The following FGF1 variants were observed in gnomAD, a reference collection of about 807,000 sequenced individuals.
FGF1 encodes beta-endothelial cell growth factor.
A neutral mutation model predicts 13.4 loss-of-function variants in FGF1; 9 were observed. That is an observed-to-expected ratio of 0.67 (90% CI 0.40 to 1.17). The LOEUF is 1.17. Among genes scored for constraint, FGF1 ranks in the 50% most tolerant of loss-of-function variants. FGF1 has a pLI of 0.01. For synonymous variants in FGF1, 93 were observed against 79.0 expected (o/e 1.18, Z -0.94); for missense variants, 156 against 192.7 (o/e 0.81, Z 1.13).
Position 142,595,379 on chromosome 5 carries a change from T to C in FGF1, c.379A>G (p.Lys127Glu). The change falls in exon 4 of 4, where the codon AAG becomes GAG. Residue 127 changes from lysine (K) to glutamate (E), a missense_variant. Coordinates refer to ENST00000337706, the MANE Select transcript of FGF1 (RefSeq NM_000800.5). ...CCGCGTTTGCAGCTCCCATTCTTCT[T>C]GAGGCCAACAAACCAATTCTTCTCT... ...HAEKNWFVGL[K>E]KNGSCKRGPR... is the part of the protein sequence containing the mutation. 4 of 1,614,114 alleles carry C rather than the reference T, an allele frequency of 2.5e-6. No homozygotes were observed. The highest frequency in any genetic ancestry group is 3.4e-6 in the Non-Finnish European group (4 of 1,179,962).
At chr5:142,685,223 A>T (rs977892372) in intron 1 of FGF1, among the ~76,000 whole-genome samples, 13 of 152,234 alleles carry the variant, frequency 8.5e-5, no homozygotes, top group East Asian at 7.7e-4. Context: ...CCTAGTGCCC[A>T]TCGGAGGGGT....
intron 1 of FGF1, among the ~76,000 whole-genome samples, chr5:142,627,988 C>T (rs1428102354): frequency 6.6e-6 from 1 of 152,148 alleles, no homozygotes; most frequent in Non-Finnish European, 1.5e-5. Context: ...TAGTATTCTA[C>T]ACCTGGCTCC....
intron 1 of FGF1, among the ~76,000 whole-genome samples, chr5:142,620,160 G>A (rs1163255731): frequency 2.6e-5 from 4 of 152,190 alleles, no homozygotes; most frequent in Non-Finnish European, 5.9e-5. Flanking sequence ...GCTCACGCCT[G>A]TAATCCCACC....
chr5:142,614,094 G>A lies in FGF1; in HGVS notation c.34C>T (p.Leu12=). 1 of 1,614,214 alleles carries A rather than the reference G, an allele frequency of 6.2e-7. No homozygotes were observed. Among genetic ancestry groups the A allele is most frequent in the South Asian group, 1.1e-5 (1 of 91,078 alleles). ...AEGEITTFTA[L]TEKFNLPPGN... ...GGAGGCAGATTAAACTTCTCGGTCA[G>A]GGCTGTGAAGGTGGTGATTTCCCCT... The change falls in exon 2 of 4, where the codon CTG becomes TTG. Residue 12 remains leucine, a synonymous_variant. Coordinates refer to ENST00000337706, the MANE Select transcript of FGF1 (RefSeq NM_000800.5).
intron 1 of FGF1, among the ~76,000 whole-genome samples, chr5:142,658,481 A>G (rs1477543042): frequency 6.6e-6 from 1 of 152,042 alleles, no homozygotes; most frequent in Non-Finnish European, 1.5e-5. Flanking sequence ...TCTGGTTGCA[A>G]CTTTTTTTCA....
At chr5:142,663,225 G>A (rs1769612371) in intron 1 of FGF1, among the ~76,000 whole-genome samples, 1 of 150,476 alleles carries the variant, frequency 6.6e-6, no homozygotes, top group Admixed American at 6.7e-5. Flanking sequence ...CAGAGGATAG[G>A]TGAGAAGCAG....
chr5:142,673,758 C>G (rs1402125380), intron 1 of FGF1, among the ~76,000 whole-genome samples: 3 of 152,192 alleles, frequency 2.0e-5, no homozygotes, highest in Non-Finnish European at 4.4e-5. Flanking sequence ...CAGTTCTCCA[C>G]TCAGGGGTCC....
At chr5:142,695,717 A>G (rs1380857912) in intron 2 of FGF1, among the ~76,000 whole-genome samples, 1 of 152,204 alleles carries the variant, frequency 6.6e-6, no homozygotes, top group African/African-American at 2.4e-5. Flanking sequence ...TCAAGCACCT[A>G]GTATCTATTA....
intron 1 of FGF1, among the ~76,000 whole-genome samples, chr5:142,658,727 G>A (rs948822722): frequency 5.3e-5 from 8 of 152,162 alleles, no homozygotes; most frequent in South Asian, 2.1e-4. Flanking sequence ...GAGTAAGACC[G>A]ACTAGCAAGA....
At chr5:142,639,466 C>T (rs1764804111) in intron 1 of FGF1, among the ~76,000 whole-genome samples, 1 of 151,918 alleles carries the variant, frequency 6.6e-6, no homozygotes, top group African/African-American at 2.4e-5. Context: ...ATAAACCAGA[C>T]ACAGAAAGAC....
intron 1 of FGF1, among the ~76,000 whole-genome samples, chr5:142,621,855 C>T (rs914496009): frequency 1.3e-5 from 2 of 152,158 alleles, no homozygotes; most frequent in African/African-American, 4.8e-5. Flanking sequence ...ATGTTCCTCT[C>T]TTTCTCTCTA....
rs543565669 is a variant in FGF1, at chr5:142,601,579, T to C, written c.170-774A>G. Among the ~76,000 whole-genome samples, 5 of 152,130 alleles carry C rather than the reference T, an allele frequency of 3.3e-5. No individual in the cohort carries two copies. In the East Asian group the frequency reaches 9.7e-4, roughly 29 times the overall value. ...GGTGATTTTGCTCCAAAGGGGACAT[T>C]TGGCAATCTCTGAAGACAGTTTCTG... On this transcript the variant is annotated intron_variant, in intron 2 of 3. Coordinates refer to ENST00000337706, the MANE Select transcript of FGF1 (RefSeq NM_000800.5).
intron 1 of FGF1, among the ~76,000 whole-genome samples, chr5:142,629,093 C>A (rs1402232329): frequency 1.3e-5 from 2 of 152,118 alleles, no homozygotes; most frequent in African/African-American, 4.8e-5. Flanking sequence ...CTGTTCCAAC[C>A]TTTCCAGTTA....
At chr5:142,647,254 T>C (rs969889300) in intron 1 of FGF1, among the ~76,000 whole-genome samples, 3 of 152,220 alleles carry the variant, frequency 2.0e-5, no homozygotes, top group Non-Finnish European at 4.4e-5. Flanking sequence ...AAGACTGAAG[T>C]TAACCACTGG....
intron 1 of FGF1, among the ~76,000 whole-genome samples, chr5:142,654,707 C>T (rs1445744763): frequency 6.6e-6 from 1 of 152,210 alleles, no homozygotes; most frequent in African/African-American, 2.4e-5. Flanking sequence ...CTGCTGTCTT[C>T]GACTCCATGA....
chr5:142,640,294 A>G (rs1417897919), intron 1 of FGF1, among the ~76,000 whole-genome samples: 5 of 151,856 alleles, frequency 3.3e-5, no homozygotes, highest in African/African-American at 4.9e-5. Context: ...TTTTATTCCT[A>G]TAGGGGGAGG....
intron 1 of FGF1, among the ~76,000 whole-genome samples, chr5:142,620,261 CAAA>C (rs373056477): frequency 4.0e-5 from 6 of 151,590 alleles, no homozygotes; most frequent in African/African-American, 1.5e-4. Flanking sequence ...ACTAAAAATA[CAAA>C]AAAATTAGCT....
At chr5:142,690,117 C>A (rs988217551), upstream of FGF1, among the ~76,000 whole-genome samples, 26 of 150,108 alleles carry the variant, frequency 1.7e-4, no homozygotes, top group South Asian at 5.0e-3. Flanking sequence ...GTCAGGAGAT[C>A]GAGACCATCC....
At chr5:142,671,040 GAA>G (rs1323474944) in intron 1 of FGF1, among the ~76,000 whole-genome samples, 2 of 152,138 alleles carry the variant, frequency 1.3e-5, no homozygotes, top group African/African-American at 4.8e-5. Context: ...GAATTAAGAG[GAA>G]AAAGTTTCTC....
Sources: gnomAD v4.1 joint callset for allele counts (sites outside exome capture counted in the v4.1 genomes callset) on GRCh38, gnomAD v4.1.1 for gene constraint, MANE v1.5 for transcripts, NCBI Gene and HGNC (gene_info 2026-07-23, HGNC 2026-07-21) for gene names.